Variants in PARP15 observed in about 807,000 individuals in gnomAD.
PARP15 encodes the protein poly(ADP-ribose) polymerase family member 15.
A neutral mutation model predicts 62.1 loss-of-function variants in PARP15; 50 were observed. That is an observed-to-expected ratio of 0.81 (90% CI 0.64 to 1.02). PARP15 has a LOEUF of 1.02. Among genes scored for constraint, PARP15 ranks in the 50% least tolerant of loss-of-function variants. The pLI is 0.00. For synonymous variants in PARP15, 309 were observed against 293.1 expected (o/e 1.05, Z -0.55); for missense variants, 820 against 826.5 (o/e 0.99, Z 0.10).
intron 1 of PARP15, among the ~76,000 whole-genome samples, chr3:122,590,910 A>C (rs1933858879): frequency 6.6e-6 from 1 of 152,166 alleles, no homozygotes; most frequent in Non-Finnish European, 1.5e-5. Flanking sequence ...TTTGCGGTAA[A>C]ATGTTGTAGC....
rs929548658 is a variant in PARP15, at chr3:122,626,417, T to C, written c.1232-410T>C. The stretch of plus-strand genomic sequence containing the variant: ...GTTTCACCATGTTAGCCAGGATGGT[T>C]TCAATCTCCTGACCTCGTGATCCAC... On this transcript the variant is annotated intron_variant, in intron 8 of 11. Transcript: ENST00000464300. Among the ~76,000 whole-genome samples, 8 of 152,034 alleles carry C rather than the reference T, an allele frequency of 5.3e-5. No homozygotes were observed. The South Asian group carries it at 1.7e-3, about 32-fold the overall frequency.
chr3:122,621,820 A>T (rs1256650997), intron 8 of PARP15, among the ~76,000 whole-genome samples: 4 of 152,040 alleles, frequency 2.6e-5, no homozygotes, highest in African/African-American at 9.7e-5. Context: ...TTTTTTCAAG[A>T]CAGAGTCTCA....
chr3:122,597,728 A>G (rs1233293304), intron 1 of PARP15, among the ~76,000 whole-genome samples: 2 of 152,172 alleles, frequency 1.3e-5, no homozygotes, highest in East Asian at 3.8e-4. Context: ...GTCTATACAT[A>G]TAGATTTTAT....
At chr3:122,615,086 A>G in intron 4 of PARP15, 1 of 984,266 alleles carries the variant, frequency 1.0e-6, no homozygotes, top group Non-Finnish European at 1.2e-6. Flanking sequence ...GAAAAAGAAA[A>G]AGTAGAAACA....
chr3:122,623,914 C>T (rs928499685), intron 8 of PARP15, among the ~76,000 whole-genome samples: 5 of 152,172 alleles, frequency 3.3e-5, no homozygotes, highest in South Asian at 4.1e-4. Context: ...GGGGCTGAGG[C>T]GGGTGGATCA....
At chr3:122,592,537 C>T (rs1215702218) in intron 1 of PARP15, among the ~76,000 whole-genome samples, 10 of 151,520 alleles carry the variant, frequency 6.6e-5, no homozygotes, top group Non-Finnish European at 1.2e-4. Context: ...CAAACCACCA[C>T]GGCAAACATT....
At chr3:122,621,893 G>T (rs983930209) in intron 8 of PARP15, among the ~76,000 whole-genome samples, 4 of 152,124 alleles carry the variant, frequency 2.6e-5, no homozygotes, top group African/African-American at 9.7e-5. Flanking sequence ...CCTCCTCCCA[G>T]GCTCACGCAA....
chr3:122,612,964 G>A, intron 3 of PARP15, 77 bp from the exon 4 acceptor site: 1 of 1,296,812 alleles, frequency 7.7e-7, no homozygotes, highest in East Asian at 2.5e-5. Context: ...CCTTGTCAGA[G>A]TTGCTGGGAC....
chr3:122,579,295 GT>G (rs1381119122), intron 1 of PARP15, among the ~76,000 whole-genome samples: 1 of 152,030 alleles, frequency 6.6e-6, no homozygotes, highest in Non-Finnish European at 1.5e-5. Flanking sequence ...CATTCGCTAT[GT>G]TGTCTATTTA....
chr3:122,581,793 T>C (rs1932970180), intron 1 of PARP15, among the ~76,000 whole-genome samples: 1 of 152,248 alleles, frequency 6.6e-6, no homozygotes, highest in East Asian at 1.9e-4. Context: ...TTTGGTGTCA[T>C]ATCCAAGAAA....
chr3:122,614,292 G>A (rs1935791667), intron 4 of PARP15, among the ~76,000 whole-genome samples: 1 of 152,100 alleles, frequency 6.6e-6, no homozygotes, highest in Admixed American at 6.5e-5. Context: ...CAACTTTAAG[G>A]ACTGACAAGC....
At chr3:122,587,013 A>C (rs970561920) in intron 1 of PARP15, among the ~76,000 whole-genome samples, 3 of 152,202 alleles carry the variant, frequency 2.0e-5, no homozygotes, top group African/African-American at 7.2e-5. Context: ...TGCCTTTTCC[A>C]GAATGTCATA....
At chr3:122,609,660 T>C (rs1019524314) in intron 2 of PARP15, among the ~76,000 whole-genome samples, 3 of 148,816 alleles carry the variant, frequency 2.0e-5, no homozygotes, top group African/African-American at 5.0e-5. Context: ...ATCATGCCAC[T>C]GCACTCCAGC....
chr3:122,609,272 T>C (rs1336103345), intron 2 of PARP15, among the ~76,000 whole-genome samples: 1 of 152,214 alleles, frequency 6.6e-6, no homozygotes, highest in Non-Finnish European at 1.5e-5. Context: ...ATACCTCATA[T>C]GCTAACTAAC....
intron 1 of PARP15, among the ~76,000 whole-genome samples, chr3:122,579,936 G>A (rs1244443900): frequency 1.4e-5 from 2 of 147,864 alleles, no homozygotes; most frequent in Admixed American, 6.8e-5. Flanking sequence ...CTGAGATTGC[G>A]CCACTGCACT....
chr3:122,597,585 A>G (rs918310777), intron 1 of PARP15, among the ~76,000 whole-genome samples: 1 of 151,990 alleles, frequency 6.6e-6, no homozygotes, highest in Non-Finnish European at 1.5e-5. Flanking sequence ...TCCACAATAC[A>G]TCCTAAGAAA....
intron 1 of PARP15, among the ~76,000 whole-genome samples, chr3:122,605,523 T>C (rs1935101271): frequency 6.6e-6 from 1 of 152,218 alleles, no homozygotes; most frequent in African/African-American, 2.4e-5. Context: ...TTCTGTGAAA[T>C]GTAATAGTTA....
In PARP15 at chr3:122,619,842, A is replaced by G; in HGVS notation, c.1062A>G (p.Leu354=). The change falls in exon 7 of 12, where the codon CTA becomes CTG. Residue 354 remains leucine (L), a splice_region_variant and synonymous_variant. Transcript: ENST00000464300. ...CTGTGGAAAGTGAATGTGCTGTACT[A>G]GGTATGGGCACATGTTACTTTTGAC... is the stretch of plus-strand genomic sequence containing the variant. The part of the protein sequence containing the change: ...GQAVESECAV[L]AAQPHRDFII... The G allele has an allele frequency of 1.9e-6, 3 of 1,611,536 alleles. No homozygotes were observed. The highest frequency in any genetic ancestry group is 2.5e-6 in the Non-Finnish European group (3 of 1,177,614).
In PARP15 at chr3:122,601,168, T is replaced by C. The variant is rs1194928785; in HGVS notation, c.187-4768T>C. ...CCTCCCAAGTAGCTGGGACTACAGG[T>C]GCTTGCCACCACGCCCAGCTAATTT... On this transcript the variant is annotated intron_variant, in intron 1 of 11. Transcript: ENST00000464300. 7.3e-5 allele frequency among the ~76,000 whole-genome samples: 11 copies of C among 150,390 alleles called. No individual in the cohort carries two copies. In the Admixed American group the frequency reaches 7.4e-4, roughly 10 times the overall value.
Sources: allele counts gnomAD v4.1 joint callset (sites outside exome capture counted in the v4.1 genomes callset), GRCh38; gene constraint gnomAD v4.1.1; transcripts MANE v1.5; gene names NCBI Gene and HGNC (gene_info 2026-07-23, HGNC 2026-07-21).